The following TRAIP variants were observed in gnomAD, a reference collection of about 807,000 sequenced individuals.
TRAIP encodes E3 ubiquitin-protein ligase TRAIP.
TRAIP carries 37 observed loss-of-function variants against 65.0 expected under a neutral mutation model. The observed-to-expected ratio is 0.57, with a 90% CI of 0.44 to 0.75. The LOEUF is 0.75. TRAIP is among the 30% of genes least tolerant of loss of function. The pLI is 0.00. For synonymous variants in TRAIP, 187 were observed against 219.1 expected, an observed-to-expected ratio of 0.85 and a Z score of 1.29; for missense variants, 481 against 579.4, an observed-to-expected ratio of 0.83 and a Z score of 1.74.
chr3:49,833,715 G>A (rs2081756279), intron 10 of TRAIP, among the ~76,000 whole-genome samples: 1 of 152,122 alleles, frequency 6.6e-6, no homozygotes, highest in African/African-American at 2.4e-5. Flanking sequence ...TCCTGACCTC[G>A]TGATCTGCCC....
In TRAIP at chr3:49,843,650, C is replaced by G. The variant is rs554852969; in HGVS notation, c.408+151G>C. 2.4e-5 allele frequency: 25 copies of G among 1,041,340 alleles called. No homozygotes were observed. In the African/African-American group the frequency reaches 3.6e-4, roughly 15 times the overall value. 64.5% of individuals were successfully genotyped at this position (1,041,340 alleles called of 1,614,324 possible). On this transcript the variant is annotated intron_variant, in intron 5 of 14. Transcript: ENST00000331456. Reference sequence around the variant, plus strand: ...GATGGATGGGTACAGTATGGAAGGGCAAGGGGAAGAAGTGATTTGCCTCTA... The same window carrying G: ...GATGGATGGGTACAGTATGGAAGGGGAAGGGGAAGAAGTGATTTGCCTCTA...
At chr3:49,843,637 C>T (rs2081856976) in intron 5 of TRAIP, 164 bp downstream of exon 5, 2 of 900,014 alleles carry the variant, frequency 2.2e-6, no homozygotes, top group Non-Finnish European at 3.4e-6. Context: ...TGGATGGGTA[C>T]AGTATGGAAG....
chr3:49,848,909 C>G (rs1340567772), intron 1 of TRAIP, among the ~76,000 whole-genome samples: 1 of 151,392 alleles, frequency 6.6e-6, no homozygotes, highest in African/African-American at 2.4e-5. Flanking sequence ...TGCAGTGGCA[C>G]GATCTTGGTT....
chr3:49,832,786 C>A (rs2081748081), intron 10 of TRAIP, among the ~76,000 whole-genome samples: 1 of 149,446 alleles, frequency 6.7e-6, no homozygotes. Flanking sequence ...CCCACCCAGA[C>A]CTGGCAGGGC....
intron 1 of TRAIP, among the ~76,000 whole-genome samples, chr3:49,855,655 G>A (rs1025905805): frequency 1.3e-5 from 2 of 152,148 alleles, no homozygotes; most frequent in African/African-American, 4.8e-5. Flanking sequence ...TCAGTGTCAT[G>A]CCTGCCTTTC....
chr3:49,837,464 AAACAAACAAACC>A (rs753200924), intron 10 of TRAIP, among the ~76,000 whole-genome samples: 114 of 152,238 alleles, frequency 7.5e-4, no homozygotes, highest in South Asian at 4.4e-3. Context: ...CCCTATCTCA[AAACAAACAAACC>A]AACAAACAAA....
intron 7 of TRAIP, 72 bp from the exon 8 acceptor site, chr3:49,841,144 T>A: frequency 7.6e-7 from 1 of 1,319,768 alleles, no homozygotes; most frequent in Non-Finnish European, 1.1e-6. Flanking sequence ...AGCACTAATC[T>A]AACACAAAGC....
At chr3:49,838,270 G>C (rs1419899153) in intron 10 of TRAIP, among the ~76,000 whole-genome samples, 2 of 152,202 alleles carry the variant, frequency 1.3e-5, no homozygotes, top group Admixed American at 6.5e-5. Context: ...ACAGAAGAAG[G>C]CTTGTCAAGT....
rs1278569353 is a variant in TRAIP at position 49,840,381 on chromosome 3, A to G, written c.706-8T>C. On this transcript the variant is annotated splice_polypyrimidine_tract_variant and splice_region_variant and intron_variant, in intron 8 of 14. Transcript: ENST00000331456. ...AGAGTAGACTGTCTGCAACTATAAGAAAGTGTAGGGAATGAAAGACAAGCC... is the reference window on the plus strand; with the variant it reads ...AGAGTAGACTGTCTGCAACTATAAGGAAGTGTAGGGAATGAAAGACAAGCC... 5.6e-6 allele frequency: 9 copies of G among 1,613,210 alleles called. No individual in the cohort carries two copies. The highest frequency in any genetic ancestry group is 6.8e-6 in the Non-Finnish European group (8 of 1,179,254).
At chr3:49,855,275 C>T (rs1337719766) in intron 1 of TRAIP, among the ~76,000 whole-genome samples, 2 of 151,970 alleles carry the variant, frequency 1.3e-5, no homozygotes, top group Non-Finnish European at 2.9e-5. Context: ...CATGGAGAAA[C>T]CCTGTCTATG....
At position 49,840,562 on chromosome 3, in the gene TRAIP, G is replaced by C. The variant is rs115140049; in HGVS notation, c.706-189C>G. Reference sequence around the variant, plus strand: ...CCGGAGCTGCCTAGAAGCAAAGGCTGCTTCCTACATCCTGCAGCCTGTGGA... The same window carrying C: ...CCGGAGCTGCCTAGAAGCAAAGGCTCCTTCCTACATCCTGCAGCCTGTGGA... On this transcript the variant is annotated intron_variant, in intron 8 of 14. Coordinates refer to ENST00000331456, the MANE Select transcript of TRAIP (RefSeq NM_005879.3). 3.2e-3 allele frequency: 1,867 copies of C among 588,758 alleles called. 26 individuals are homozygous for C. Among genetic ancestry groups the C allele is most frequent in the African/African-American group, 0.031 (1,679 of 53,794 alleles). The allele number at this position is 588,758 out of a possible 1,614,324, so 36.5% of individuals were successfully genotyped here. A position where few individuals can be genotyped will look rare whatever the true frequency, so the allele number is the denominator to read the frequency against.
intron 10 of TRAIP, among the ~76,000 whole-genome samples, chr3:49,835,689 C>T (rs974925892): frequency 2.0e-5 from 3 of 151,936 alleles, no homozygotes; most frequent in African/African-American, 7.3e-5. Context: ...CCTGTAATCC[C>T]AGCACTTTGG....
intron 10 of TRAIP, among the ~76,000 whole-genome samples, chr3:49,835,539 T>G (rs547971622): frequency 2.0e-5 from 3 of 152,290 alleles, no homozygotes; most frequent in African/African-American, 7.2e-5. Context: ...GCCACAGAAA[T>G]GTACTTAAAA....
chr3:49,844,012 T>TAAGGGATGAGGCA, intron 4 of TRAIP, 84 bp from the exon 5 acceptor site: 1 of 1,515,922 alleles, frequency 6.6e-7, no homozygotes, highest in Non-Finnish European at 8.9e-7. Flanking sequence ...ATTCAGTGCC[T>TAAGGGATGAGGCA]CATCCCTTAG....
At chr3:49,849,364 G>T (rs533923471) in intron 1 of TRAIP, among the ~76,000 whole-genome samples, 1 of 150,468 alleles carries the variant, frequency 6.6e-6, no homozygotes, top group Admixed American at 6.6e-5. Flanking sequence ...AGTGGCTCAC[G>T]CCTGTAATCC....
chr3:49,831,585 C>G (rs1273278234), intron 11 of TRAIP, among the ~76,000 whole-genome samples: 2 of 152,230 alleles, frequency 1.3e-5, no homozygotes. Context: ...GTCCCTCGCT[C>G]AGGACTCTGG....
At chr3:49,842,410 C>A (rs750501180) in intron 6 of TRAIP, 43 bp downstream of exon 6, 89 of 1,590,944 alleles carry the variant, frequency 5.6e-5, no homozygotes, top group Non-Finnish European at 7.6e-5. Context: ...ACTTGCAGGC[C>A]CTGGGGGCAA....
At chr3:49,836,952 C>CTTTT (rs397875517) in intron 10 of TRAIP, among the ~76,000 whole-genome samples, 11 of 83,218 alleles carry the variant, frequency 1.3e-4, no homozygotes, top group African/African-American at 2.1e-4. Flanking sequence ...CTTGACATGA[C>CTTTT]TTTTTTTTTT....
intron 5 of TRAIP, chr3:49,843,432 G>A (rs2081854801): frequency 5.6e-6 from 1 of 180,018 alleles, no homozygotes; most frequent in Non-Finnish European, 1.2e-5. Flanking sequence ...GCCCAGCCAA[G>A]GACTAGAGTG....
Sources: allele counts gnomAD v4.1 joint callset (sites outside exome capture counted in the v4.1 genomes callset), GRCh38; gene constraint gnomAD v4.1.1; transcripts MANE v1.5; gene names NCBI Gene and HGNC (gene_info 2026-07-23, HGNC 2026-07-21).